Variants in TRIM2 observed in about 807,000 individuals in gnomAD.
The protein encoded by TRIM2 is tripartite motif-containing protein 2.
TRIM2 carries 20 observed loss-of-function variants against 75.2 expected under a neutral mutation model. The observed-to-expected ratio is 0.27, with a 90% CI of 0.19 to 0.39. The LOEUF (loss-of-function observed/expected upper bound fraction) is 0.39. TRIM2 is among the 10% of genes least tolerant of loss of function. The pLI, the probability that TRIM2 is intolerant of heterozygous loss-of-function variation, is 1.00. For missense variants in TRIM2, 660 were observed against 990.8 expected, an observed-to-expected ratio of 0.67 and a Z score of 4.48; for synonymous variants, 373 against 388.3, an observed-to-expected ratio of 0.96 and a Z score of 0.46.
In TRIM2 at chr4:153,198,555, C is replaced by T. The variant is rs183082778; in HGVS notation, c.-49+45285C>T. Among the ~76,000 whole-genome samples, 40 of 152,230 alleles carry T rather than the reference C, an allele frequency of 2.6e-4. 1 individual carries two copies. In the East Asian group the frequency reaches 5.8e-3, roughly 22 times the overall value. ...GTCTCGGGTATGTCTTTATCAGCAG[C>T]GTAAAAACGGACTAGTACACCATTC... On this transcript the variant is annotated intron_variant, in intron 1 of 11. Transcript: ENST00000437508.
chr4:153,231,754 C>T (rs940836109), intron 1 of TRIM2, among the ~76,000 whole-genome samples: 1 of 152,176 alleles, frequency 6.6e-6, no homozygotes, highest in Non-Finnish European at 1.5e-5. Context: ...TGTTCTGTGT[C>T]TTCACATAAT....
At chr4:153,177,756 TC>T (rs1307864930) in intron 1 of TRIM2, among the ~76,000 whole-genome samples, 6 of 151,132 alleles carry the variant, frequency 4.0e-5, no homozygotes, top group South Asian at 4.2e-4. Context: ...CTTCCTTCTT[TC>T]CCTCCCATCC....
chr4:153,280,747 C>T (rs559303793), intron 3 of TRIM2, among the ~76,000 whole-genome samples: 4 of 151,754 alleles, frequency 2.6e-5, no homozygotes, highest in South Asian at 4.2e-4. Flanking sequence ...TGCAGCGGCA[C>T]GATCTTGGCT....
At chr4:153,275,833 ACCT>A (rs1386875307) in intron 2 of TRIM2, 57 bp from the exon 3 acceptor site, 12 of 1,453,342 alleles carry the variant, frequency 8.3e-6, no homozygotes, top group Non-Finnish European at 1.1e-5. Context: ...CATGTATGGT[ACCT>A]GTGAGAAGTG....
rs879886128 is a variant in TRIM2 at position 153,244,177 on chromosome 4, CT to C, written c.31-26156del. ...TGTTCTTCTTCTTCTTCTTCTTCTT[CT>C]TCTCCTCCTTCTTCTTCTCCTCCTT... is the stretch of plus-strand genomic sequence containing the variant. On this transcript the variant is annotated intron_variant, in intron 1 of 11. Transcript: ENST00000338700. 1.1e-3 allele frequency among the ~76,000 whole-genome samples: 168 copies of C among 147,356 alleles called. 2 individuals are homozygous for C. The highest frequency in any genetic ancestry group is 6.9e-3 in the Middle Eastern group (2 of 288).
intron 11 of TRIM2, among the ~76,000 whole-genome samples, chr4:153,332,341 A>G (rs1257083546): frequency 6.6e-6 from 1 of 152,224 alleles, no homozygotes; most frequent in Admixed American, 6.5e-5. Flanking sequence ...TAACAATCCA[A>G]TTAGAATAAT....
At chr4:153,234,961 A>G (rs773694314) in intron 1 of TRIM2, among the ~76,000 whole-genome samples, 4 of 152,176 alleles carry the variant, frequency 2.6e-5, no homozygotes, top group Non-Finnish European at 4.4e-5. Flanking sequence ...CCTCGAGCAC[A>G]CAGACCCCTC....
In TRIM2 at chr4:153,304,321, C is replaced by T. The variant is rs141107348; in HGVS notation, c.1510+8285C>T. On this transcript the variant is annotated intron_variant, in intron 6 of 11. Coordinates refer to ENST00000338700, the MANE Select transcript of TRIM2 (RefSeq NM_015271.5). ...TAGAGATGGGCTTTTACCATGTTGG[C>T]CAGGCTCGTCTTGAACTCCTGGCCT... is the stretch of plus-strand genomic sequence containing the variant. 6.8e-3 allele frequency among the ~76,000 whole-genome samples: 1,028 copies of T among 152,088 alleles called. 13 individuals are homozygous for T. The highest frequency in any genetic ancestry group is 0.023 in the African/African-American group (969 of 41,476).
intron 6 of TRIM2, among the ~76,000 whole-genome samples, chr4:153,310,694 CAGG>C (rs201889847): frequency 0.015 from 2,235 of 152,232 alleles, 40 homozygotes; most frequent in East Asian, 0.074. Context: ...CCGTAAGAAT[CAGG>C]AGATGTTACC....
chr4:153,316,592 G>C (rs572963090), intron 8 of TRIM2, among the ~76,000 whole-genome samples: 41 of 152,198 alleles, frequency 2.7e-4, no homozygotes, highest in African/African-American at 9.2e-4. Context: ...AAAAGAAAAG[G>C]CTGAATTTCC....
chr4:153,311,930 T>TATC (rs1766442875), intron 6 of TRIM2, among the ~76,000 whole-genome samples: 1 of 93,454 alleles, frequency 1.1e-5, no homozygotes, highest in Admixed American at 9.9e-5. Context: ...TTATTATTAT[T>TATC]ATACTTTAAG....
Position 153,204,513 on chromosome 4 carries a change from G to A in TRIM2, c.-18G>A, listed in dbSNP as rs764276343. 18 of 1,551,748 alleles carry A rather than the reference G, an allele frequency of 1.2e-5. No individual in the cohort carries two copies. The Middle Eastern group carries it at 6.7e-4, about 58-fold the overall frequency. On this transcript the variant is annotated 5_prime_UTR_variant, in exon 1 of 12. Coordinates refer to ENST00000338700, the MANE Select transcript of TRIM2 (RefSeq NM_015271.5). ...GGAGCTAAGTCCCCAGATTGGAGGA[G>A]GCTGGCTCTGGTCTTCGATGCACAG...
At chr4:153,321,494 A>G (rs549522122) in intron 8 of TRIM2, among the ~76,000 whole-genome samples, 90 of 152,376 alleles carry the variant, frequency 5.9e-4, no homozygotes, top group African/African-American at 1.7e-3. Flanking sequence ...AAAATACGGT[A>G]TATGATTGAT....
In TRIM2 at chr4:153,336,009, T is replaced by C. The variant is rs760930123; in HGVS notation, c.*1043T>C. 35 of 985,750 alleles carry C rather than the reference T, an allele frequency of 3.6e-5. No individual in the cohort carries two copies. The highest frequency in any genetic ancestry group is 4.1e-5 in the Non-Finnish European group (34 of 829,942). The allele number at this position is 985,750 out of a possible 1,614,324, so 61.1% of individuals were successfully genotyped here. A position where few individuals can be genotyped will look rare whatever the true frequency, so the allele number is the denominator to read the frequency against. On this transcript the variant is annotated 3_prime_UTR_variant, in exon 12 of 12. Transcript: ENST00000338700. ...CAAGTGTTACCAAAGTTGTGTTATC[T>C]TGAAAGCATTACAGGTAAGGGCATG...
At chr4:153,317,930 A>C (rs1257074357) in intron 8 of TRIM2, among the ~76,000 whole-genome samples, 1 of 152,180 alleles carries the variant, frequency 6.6e-6, no homozygotes, top group Non-Finnish European at 1.5e-5. Flanking sequence ...TGTGCACTGC[A>C]GCCTAGGTGA....
intron 1 of TRIM2, among the ~76,000 whole-genome samples, chr4:153,220,493 G>C (rs139444336): frequency 2.4e-4 from 37 of 152,184 alleles, no homozygotes; most frequent in African/African-American, 7.9e-4. Context: ...ACAGCCCGTA[G>C]AATAAGAACA....
intron 6 of TRIM2, among the ~76,000 whole-genome samples, chr4:153,307,286 T>G (rs17029849): frequency 0.036 from 5,549 of 152,200 alleles, 231 homozygotes; most frequent in African/African-American, 0.1. Context: ...ATGAAAGAAT[T>G]ACAGGTGAAT....
chr4:153,284,131 G>A (rs1158621683), intron 3 of TRIM2, among the ~76,000 whole-genome samples: 4 of 151,598 alleles, frequency 2.6e-5, no homozygotes, highest in Admixed American at 6.6e-5. Context: ...CGCCCACTTC[G>A]GCCTCCCAAA....
chr4:153,161,472 G>A (rs932598177), intron 1 of TRIM2, among the ~76,000 whole-genome samples: 6 of 152,302 alleles, frequency 3.9e-5, no homozygotes, highest in East Asian at 3.9e-4. Context: ...TTGCAAAGTC[G>A]CTAGCTGTTA....
Sources: gnomAD v4.1 joint callset for allele counts (sites outside exome capture counted in the v4.1 genomes callset) on GRCh38, gnomAD v4.1.1 for gene constraint, MANE v1.5 for transcripts, NCBI Gene and HGNC (gene_info 2026-07-23, HGNC 2026-07-21) for gene names.